BRD4: variants seen among roughly 807,000 people sequenced by gnomAD.
BRD4 encodes the protein bromodomain containing 4.
BRD4 carries 16 observed loss-of-function variants against 142.1 expected under a neutral mutation model. The observed-to-expected ratio is 0.11, with a 90% CI of 0.08 to 0.17. The LOEUF (loss-of-function observed/expected upper bound fraction) is 0.17. Among genes scored for constraint, BRD4 ranks in the 10% least tolerant of loss-of-function variants. BRD4 has a pLI of 1.00. For missense variants in BRD4, 1,424 were observed against 1,810.9 expected (o/e 0.79, Z 3.88); for synonymous variants, 833 against 707.5 (o/e 1.18, Z -2.82).
intron 8 of BRD4, 77 bp from the exon 9 acceptor site, chr19:15,256,340 C>CA: frequency 2.6e-6 from 4 of 1,546,004 alleles, no homozygotes; most frequent in Non-Finnish European, 1.7e-6. Context: ...GCGTCTGCTC[C>CA]AAAAAACATG....
At chr19:15,314,120 T>C (rs768480586) in intron 1 of BRD4, among the ~76,000 whole-genome samples, 1 of 152,176 alleles carries the variant, frequency 6.6e-6, no homozygotes, top group Non-Finnish European at 1.5e-5. Flanking sequence ...CAGCCTTGAG[T>C]ATGTGCTTGA....
chr19:15,243,590 C>T (rs2047258650), intron 13 of BRD4, 103 bp from the exon 14 acceptor site: 1 of 1,408,294 alleles, frequency 7.1e-7, no homozygotes, highest in Non-Finnish European at 9.2e-7. Context: ...TGCTCTCCTA[C>T]TGGCCTCCCT....
chr19:15,272,062 G>A (rs1435995088), intron 2 of BRD4, among the ~76,000 whole-genome samples: 1 of 149,666 alleles, frequency 6.7e-6, no homozygotes, highest in Non-Finnish European at 1.5e-5. Flanking sequence ...AGTCTTTGGT[G>A]CTTTAAAGAA....
At chr19:15,256,622 A>G (rs12984926) in intron 8 of BRD4, among the ~76,000 whole-genome samples, 10 of 152,186 alleles carry the variant, frequency 6.6e-5, no homozygotes, top group Non-Finnish European at 1.5e-4. Context: ...GGGCCTGATG[A>G]CTGGCTATAG....
At chr19:15,249,306 G>A (rs1416698907) in intron 11 of BRD4, 1 of 1,613,852 alleles carries the variant, frequency 6.2e-7, no homozygotes, top group Non-Finnish European at 8.5e-7. Context: ...TAGAGGGAGA[G>A]AGAAACCAGT....
chr19:15,243,890 C>T lies in BRD4; in HGVS notation c.2581+341G>A, dbSNP rs1312440106. 5.9e-5 allele frequency among the ~76,000 whole-genome samples: 9 copies of T among 152,316 alleles called. No individual in the cohort carries two copies. The South Asian group carries it at 1.9e-3, about 32-fold the overall frequency. Reference sequence around the variant, plus strand: ...CATCTCATGAGTGCATCCCCCAACCCCTGATGAGAAAAGCTGCAGAGGGGT... The same window carrying T: ...CATCTCATGAGTGCATCCCCCAACCTCTGATGAGAAAAGCTGCAGAGGGGT... On this transcript the variant is annotated intron_variant, in intron 13 of 19. Coordinates refer to ENST00000679869, the MANE Select transcript of BRD4 (RefSeq NM_001379291.1).
chr19:15,331,275 G>A (rs979597012), intron 1 of BRD4, among the ~76,000 whole-genome samples: 1 of 152,194 alleles, frequency 6.6e-6, no homozygotes, highest in Non-Finnish European at 1.5e-5. Flanking sequence ...AACAGAGTGG[G>A]GTTTCCCATC....
At chr19:15,325,285 C>T (rs1348333536) in intron 1 of BRD4, among the ~76,000 whole-genome samples, 2 of 152,184 alleles carry the variant, frequency 1.3e-5, no homozygotes, top group Non-Finnish European at 2.9e-5. Flanking sequence ...CCTGAATGTG[C>T]CGTACTGGTG....
At chr19:15,301,503 G>C (rs545621635) in intron 1 of BRD4, among the ~76,000 whole-genome samples, 1 of 151,828 alleles carries the variant, frequency 6.6e-6, no homozygotes, top group South Asian at 2.1e-4. Context: ...AGAGGTTGCA[G>C]TGAGCCGAGA....
intron 1 of BRD4, among the ~76,000 whole-genome samples, chr19:15,323,178 TAA>T (rs1017018376): frequency 5.3e-4 from 39 of 73,062 alleles, no homozygotes; most frequent in East Asian, 4.1e-3. Context: ...TCCATCTCTT[TAA>T]AAAAAAAAAA....
At chr19:15,254,387 G>C in intron 10 of BRD4, 125 bp from the exon 11 acceptor site, 1 of 787,994 alleles carries the variant, frequency 1.3e-6, no homozygotes, top group Non-Finnish European at 2.1e-6. Flanking sequence ...GTGGGCCCAG[G>C]GGCTGCTCCC....
intron 11 of BRD4, among the ~76,000 whole-genome samples, chr19:15,249,552 G>T (rs901950498): frequency 8.5e-5 from 13 of 152,308 alleles, no homozygotes; most frequent in Non-Finnish European, 1.3e-4. Context: ...TCAGCTTCTA[G>T]AGAGTGGCCC....
At chr19:15,263,308 T>C (rs1568387386) in intron 7 of BRD4, 112 bp downstream of exon 7, 1 of 1,334,288 alleles carries the variant, frequency 7.5e-7, no homozygotes, top group East Asian at 2.3e-5. Flanking sequence ...AACATGGCAT[T>C]ATCCCAAGGA....
Position 15,256,096 on chromosome 19 carries a change from C to A in BRD4, c.1719G>T (p.Thr573=), listed in dbSNP as rs142701429. Residue 573 remains threonine (T), a synonymous_variant, in exon 9 of 20, where the codon ACG becomes ACT. Transcript: ENST00000679869. The stretch of plus-strand genomic sequence containing the variant: ...TGCTGTTGCTGCTATTATTTTTCTT[C>A]GTCTTTTTAGGAGGAGGTTCCTTGG... ...SKAKEPPPKK[T]KKNNSSNSNV... 1 of 1,611,748 alleles carries A rather than the reference C, an allele frequency of 6.2e-7. No individual in the cohort carries two copies.
intron 1 of BRD4, among the ~76,000 whole-genome samples, chr19:15,326,309 A>G (rs1190123214): frequency 2.6e-5 from 4 of 151,830 alleles, no homozygotes; most frequent in Non-Finnish European, 5.9e-5. Flanking sequence ...TTAAAACTAC[A>G]AGAAATTATC....
rs1364218445 is a variant in BRD4, at chr19:15,263,409, C to T, written c.1341+11G>A. ...CTCTGCTGAGGGTGGCTGCGCCCTC[C>T]CAAGCCTCACCTGGAGCTTGCGGGC... is the stretch of plus-strand genomic sequence containing the variant. On this transcript the variant is annotated intron_variant, in intron 7 of 19. Coordinates refer to ENST00000679869, the MANE Select transcript of BRD4 (RefSeq NM_001379291.1). 2 of 1,612,988 alleles carry T rather than the reference C, an allele frequency of 1.2e-6. No individual in the cohort carries two copies. The highest frequency in any genetic ancestry group is 1.7e-6 in the Non-Finnish European group (2 of 1,179,096).
At chr19:15,308,115 C>A (rs1178728186) in intron 1 of BRD4, among the ~76,000 whole-genome samples, 45 of 21,130 alleles carry the variant, frequency 2.1e-3, no homozygotes, top group Admixed American at 3.9e-3. Flanking sequence ...GACTCCGTCT[C>A]AAAAAAAAAA....
intron 1 of BRD4, among the ~76,000 whole-genome samples, chr19:15,308,869 G>A (rs1258194300): frequency 6.6e-6 from 1 of 151,282 alleles, no homozygotes; most frequent in Non-Finnish European, 1.5e-5. Context: ...CAAAAAATTA[G>A]CCGGGCATGG....
chr19:15,308,415 T>C (rs1599512494), intron 1 of BRD4, among the ~76,000 whole-genome samples: 2 of 150,348 alleles, frequency 1.3e-5, no homozygotes, highest in South Asian at 2.1e-4. Flanking sequence ...GGTGAAACCC[T>C]GTCTCTACTA....
Sources: allele counts gnomAD v4.1 joint callset (sites outside exome capture counted in the v4.1 genomes callset), GRCh38; gene constraint gnomAD v4.1.1; transcripts MANE v1.5; gene names NCBI Gene and HGNC (gene_info 2026-07-23, HGNC 2026-07-21).